AGBL1: variants seen among roughly 807,000 people sequenced by gnomAD.
AGBL1 encodes the protein cytosolic carboxypeptidase 4.
AGBL1 carries 130 observed loss-of-function variants against 118.9 expected under a neutral mutation model. The ratio of observed to expected loss-of-function variants is 1.09; its 90% confidence interval spans 0.95 to 1.26. The LOEUF (loss-of-function observed/expected upper bound fraction) is 1.26. Ranked by LOEUF, AGBL1 falls within the 50% of genes most tolerant of loss-of-function variation. The probability of loss-of-function intolerance (pLI) is 0.00; values close to 1 mark genes in which losing one functional copy is unlikely to be tolerated. For missense variants in AGBL1, 1,584 were observed against 1,298.1 expected, an observed-to-expected ratio of 1.22 and a Z score of -3.38; for synonymous variants, 555 against 478.9, an observed-to-expected ratio of 1.16 and a Z score of -2.08.
intron 18 of AGBL1, among the ~76,000 whole-genome samples, chr15:86,436,068 T>C (rs1286395502): frequency 1.3e-5 from 2 of 151,004 alleles, no homozygotes; most frequent in African/African-American, 2.4e-5. Flanking sequence ...TTCTAAACTT[T>C]CCATTCAATC....
chr15:86,806,388 G>A (rs894129571), intron 22 of AGBL1, among the ~76,000 whole-genome samples: 1 of 152,094 alleles, frequency 6.6e-6, no homozygotes, highest in Non-Finnish European at 1.5e-5. Flanking sequence ...CTTAAAAAGT[G>A]GCTGAGCAGA....
intron 22 of AGBL1, among the ~76,000 whole-genome samples, chr15:86,784,646 TAC>T (rs1401829563): frequency 3.3e-5 from 5 of 152,180 alleles, no homozygotes; most frequent in African/African-American, 2.4e-5. Flanking sequence ...ACTTTTCTTA[TAC>T]AGTTTCCCAC....
intron 21 of AGBL1, among the ~76,000 whole-genome samples, chr15:86,629,109 C>G (rs2084929341): frequency 1.3e-5 from 2 of 152,114 alleles, no homozygotes; most frequent in Admixed American, 1.3e-4. Context: ...ATAGCTGTAA[C>G]ATTTACAGCT....
At chr15:86,620,597 T>C (rs1293791131) in intron 21 of AGBL1, among the ~76,000 whole-genome samples, 3 of 152,170 alleles carry the variant, frequency 2.0e-5, no homozygotes, top group Non-Finnish European at 2.9e-5. Flanking sequence ...TTTTAATCTG[T>C]CCCCAGAAAT....
At chr15:86,575,790 T>C (rs1009510877) in intron 21 of AGBL1, among the ~76,000 whole-genome samples, 11 of 151,814 alleles carry the variant, frequency 7.2e-5, no homozygotes, top group African/African-American at 2.7e-4. Context: ...AGAGACAGGG[T>C]CTTGGTATGT....
intron 17 of AGBL1, among the ~76,000 whole-genome samples, chr15:86,381,386 C>A (rs140511142): frequency 2.0e-5 from 3 of 151,728 alleles, no homozygotes; most frequent in African/African-American, 7.3e-5. Context: ...TTAATAGTTT[C>A]TTTTCATGTT....
intron 5 of AGBL1, among the ~76,000 whole-genome samples, chr15:86,221,500 C>G (rs746420128): frequency 5.3e-5 from 8 of 152,340 alleles, no homozygotes; most frequent in Non-Finnish European, 1.0e-4. Context: ...TTTCTTCATG[C>G]TTCGCTGTGG....
intron 22 of AGBL1, among the ~76,000 whole-genome samples, chr15:86,860,713 AGTGTGT>A (rs3030214): frequency 4.7e-5 from 7 of 148,806 alleles, no homozygotes; most frequent in East Asian, 2.0e-4. Flanking sequence ...TCTGTGAGTA[AGTGTGT>A]GTGTGTGTGT....
chr15:87,006,169 T>C (rs1233575874), intron 24 of AGBL1, among the ~76,000 whole-genome samples: 3 of 152,218 alleles, frequency 2.0e-5, no homozygotes, highest in Non-Finnish European at 4.4e-5. Flanking sequence ...GCAGTCTGTC[T>C]GTTCTTAGAT....
rs1460820444 is a variant in AGBL1, at chr15:86,735,653, G to GATATATATATATATATATATAT, written c.3158+61218_3158+61219insTATATATATATATATATATATA. On this transcript the variant is annotated intron_variant, in intron 22 of 22. Coordinates refer to ENST00000614907, the MANE Select transcript of AGBL1 (RefSeq NM_001386094.1). ...GTGTGTGTATTTCCTGCTACAAAGA[G>GATATATATATATATATATATAT]AGATATATATATATATTTTATTTGT... 3.1e-3 allele frequency among the ~76,000 whole-genome samples: 439 copies of GATATATATATATATATATATAT among 142,920 alleles called. 10 individuals carry two copies. In the East Asian group the frequency reaches 0.042, roughly 14 times the overall value. 93.8% of individuals were successfully genotyped at this position (142,920 alleles called of 152,430 possible).
chr15:86,308,236 G>T lies in AGBL1; in HGVS notation c.2374+12828G>T, dbSNP rs557298483. Among the ~76,000 whole-genome samples, 9 of 152,258 alleles carry T rather than the reference G, an allele frequency of 5.9e-5. No homozygotes were observed. The South Asian group carries it at 1.2e-3, about 21-fold the overall frequency. Reference sequence around the variant, plus strand: ...TCAGTTTCTCCCCTAGAATTCATGAGTTGAAACCCTAATCCCCAATGTGAT... The same window carrying T: ...TCAGTTTCTCCCCTAGAATTCATGATTTGAAACCCTAATCCCCAATGTGAT... On this transcript the variant is annotated intron_variant, in intron 17 of 22. Coordinates refer to ENST00000614907, the MANE Select transcript of AGBL1 (RefSeq NM_001386094.1).
chr15:86,622,736 G>T (rs1192933731), intron 21 of AGBL1, among the ~76,000 whole-genome samples: 1 of 152,136 alleles, frequency 6.6e-6, no homozygotes, highest in Non-Finnish European at 1.5e-5. Context: ...TTTTTCCACA[G>T]ACTACGGGTG....
chr15:86,245,823 T>C (rs551956234), intron 6 of AGBL1, among the ~76,000 whole-genome samples: 4 of 152,354 alleles, frequency 2.6e-5, no homozygotes, highest in Admixed American at 2.6e-4. Context: ...GTAGAGTCTA[T>C]CCTCTTGTTG....
At chr15:86,871,327 A>C (rs1270516878) in intron 22 of AGBL1, among the ~76,000 whole-genome samples, 7 of 152,126 alleles carry the variant, frequency 4.6e-5, no homozygotes, top group Non-Finnish European at 2.9e-5. Flanking sequence ...CAACCTGTCA[A>C]CCTGACAACT....
At position 86,630,877 on chromosome 15, in the gene AGBL1, C is replaced by T. The variant is rs151105659; in HGVS notation, c.2995-43396C>T. Among the ~76,000 whole-genome samples, 95 of 152,314 alleles carry T rather than the reference C, an allele frequency of 6.2e-4. 1 individual carries two copies. The South Asian group carries it at 8.1e-3, about 13-fold the overall frequency. ...CCAGATTCTTGGATCTGTTCAAACC[C>T]GGAGAGCGCACCAACAGATAACATG... On this transcript the variant is annotated intron_variant, in intron 21 of 22. Transcript: ENST00000614907.
chr15:86,134,897 G>A (rs1434505550), intron 1 of AGBL1, among the ~76,000 whole-genome samples: 1 of 151,102 alleles, frequency 6.6e-6, no homozygotes, highest in Non-Finnish European at 1.5e-5. Context: ...ACAGGTGTAA[G>A]CCACTGTGCC....
At chr15:86,827,998 T>C (rs1596526700) in intron 22 of AGBL1, among the ~76,000 whole-genome samples, 1 of 142,600 alleles carries the variant, frequency 7.0e-6, no homozygotes, top group South Asian at 2.3e-4. Context: ...TGGAGTGCAG[T>C]TGTGTGATCA....
chr15:86,895,466 A>G (rs2080112220), intron 22 of AGBL1, among the ~76,000 whole-genome samples: 1 of 151,136 alleles, frequency 6.6e-6, no homozygotes, highest in African/African-American at 2.4e-5. Context: ...TTACTAAGCT[A>G]TATACTATAG....
chr15:86,354,635 G>GTA (rs1159557194), intron 17 of AGBL1, among the ~76,000 whole-genome samples: 8 of 152,346 alleles, frequency 5.3e-5, no homozygotes, highest in African/African-American at 1.7e-4. Flanking sequence ...TTGAAGTTTA[G>GTA]TATATCAAGG....
Sources: gnomAD v4.1 joint callset for allele counts (sites outside exome capture counted in the v4.1 genomes callset) on GRCh38, gnomAD v4.1.1 for gene constraint, MANE v1.5 for transcripts, NCBI Gene and HGNC (gene_info 2026-07-23, HGNC 2026-07-21) for gene names.